CA8: variants seen among roughly 807,000 people sequenced by gnomAD.
CA8 encodes carbonic anhydrase-related protein.
In CA8, 22 loss-of-function variants were observed where a neutral mutation model predicts 41.4. The observed-to-expected ratio is 0.53, with a 90% CI of 0.38 to 0.76. The LOEUF (loss-of-function observed/expected upper bound fraction) is 0.76. CA8 is among the 30% of genes least tolerant of loss of function. CA8 has a pLI of 0.00. For missense variants in CA8, 270 were observed against 352.8 expected, an observed-to-expected ratio of 0.77 and a Z score of 1.88; for synonymous variants, 121 against 130.6, an observed-to-expected ratio of 0.93 and a Z score of 0.50.
chr8:60,202,518 A>G (rs1806464030), intron 8 of CA8, among the ~76,000 whole-genome samples: 1 of 152,196 alleles, frequency 6.6e-6, no homozygotes, highest in African/African-American at 2.4e-5. Context: ...GAGGGTTTCC[A>G]TGAAGGGTTT....
At chr8:60,239,475 T>C (rs1445983278) in intron 3 of CA8, among the ~76,000 whole-genome samples, 2 of 152,082 alleles carry the variant, frequency 1.3e-5, no homozygotes, top group Non-Finnish European at 2.9e-5. Flanking sequence ...ATACTAACAC[T>C]AACAACAGCT....
chr8:60,232,920 G>C (rs1031220756), intron 3 of CA8, among the ~76,000 whole-genome samples: 1 of 152,110 alleles, frequency 6.6e-6, no homozygotes, highest in Non-Finnish European at 1.5e-5. Flanking sequence ...AATAAATGCT[G>C]ATGTAAATCT....
At chr8:60,271,689 TG>T (rs1804078906) in intron 2 of CA8, among the ~76,000 whole-genome samples, 1 of 152,218 alleles carries the variant, frequency 6.6e-6, no homozygotes, top group Non-Finnish European at 1.5e-5. Flanking sequence ...TAATGATGGT[TG>T]ATTAAAAATG....
intron 5 of CA8, 103 bp downstream of exon 5, chr8:60,226,770 T>G: frequency 1.4e-6 from 1 of 719,920 alleles, no homozygotes; most frequent in South Asian, 1.5e-5. Flanking sequence ...CAGCAGCTTT[T>G]CTGAGATCTG....
At chr8:60,213,508 T>A (rs929716232) in intron 7 of CA8, among the ~76,000 whole-genome samples, 3 of 152,198 alleles carry the variant, frequency 2.0e-5, no homozygotes, top group African/African-American at 7.2e-5. Flanking sequence ...AGAGAGAAGA[T>A]CCTTGATTTG....
At chr8:60,192,937 GCACA>G (rs377257462) in intron 8 of CA8, among the ~76,000 whole-genome samples, 15,896 of 140,608 alleles carry the variant, frequency 0.11, 971 homozygotes, top group African/African-American at 0.17. Flanking sequence ...TCAACATCAT[GCACA>G]CACACACACA....
chr8:60,191,223 T>C (rs1806119902), intron 8 of CA8, among the ~76,000 whole-genome samples: 1 of 152,028 alleles, frequency 6.6e-6, no homozygotes, highest in African/African-American at 2.4e-5. Flanking sequence ...TGTTTTAAAA[T>C]ATATACACAT....
At chr8:60,270,574 C>T (rs1804037767) in intron 2 of CA8, among the ~76,000 whole-genome samples, 1 of 152,112 alleles carries the variant, frequency 6.6e-6, no homozygotes, top group Non-Finnish European at 1.5e-5. Context: ...CACCACCATG[C>T]CTGGCTAATT....
At chr8:60,270,874 A>G (rs1280268452) in intron 2 of CA8, among the ~76,000 whole-genome samples, 2 of 152,198 alleles carry the variant, frequency 1.3e-5, no homozygotes, top group Non-Finnish European at 2.9e-5. Flanking sequence ...ATATTTTTAA[A>G]CTGTCTTTGG....
At chr8:60,269,160 A>G (rs1803990605) in intron 2 of CA8, among the ~76,000 whole-genome samples, 1 of 152,248 alleles carries the variant, frequency 6.6e-6, no homozygotes, top group Non-Finnish European at 1.5e-5. Flanking sequence ...TTTATGGACT[A>G]AAAATAAATA....
At chr8:60,241,238 G>A (rs1038985288) in intron 3 of CA8, among the ~76,000 whole-genome samples, 1 of 152,190 alleles carries the variant, frequency 6.6e-6, no homozygotes, top group Admixed American at 6.5e-5. Context: ...ATACTGTAAA[G>A]CATGGAATGG....
intron 7 of CA8, among the ~76,000 whole-genome samples, chr8:60,220,996 G>A (rs975636791): frequency 6.6e-6 from 1 of 152,232 alleles, no homozygotes; most frequent in Middle Eastern, 3.4e-3. Context: ...CCTTCACTGC[G>A]AATCAGAAAC....
At chr8:60,215,381 A>G (rs1419654599) in intron 7 of CA8, among the ~76,000 whole-genome samples, 1 of 149,182 alleles carries the variant, frequency 6.7e-6, no homozygotes, top group East Asian at 2.0e-4. Flanking sequence ...ACACACACAC[A>G]CACCGGATCC....
chr8:60,222,786 T>C (rs1350983858), intron 6 of CA8, 25 bp from the exon 7 acceptor site: 3 of 1,412,520 alleles, frequency 2.1e-6, no homozygotes, highest in Non-Finnish European at 2.0e-6. Flanking sequence ...GGACATGTAA[T>C]GGAAAAGGCA....
chr8:60,246,870 A>C (rs1016746960), intron 3 of CA8, among the ~76,000 whole-genome samples: 4 of 147,432 alleles, frequency 2.7e-5, no homozygotes, highest in Non-Finnish European at 5.9e-5. Context: ...GAAAAATAAT[A>C]ACCACTTTTT....
chr8:60,194,753 C>T (rs967123223), intron 8 of CA8, among the ~76,000 whole-genome samples: 1 of 152,166 alleles, frequency 6.6e-6, no homozygotes, highest in Non-Finnish European at 1.5e-5. Context: ...TTGTTCCTCA[C>T]ATCTGCTAAA....
At chr8:60,237,629 G>A (rs1432086327) in intron 3 of CA8, among the ~76,000 whole-genome samples, 1 of 152,200 alleles carries the variant, frequency 6.6e-6, no homozygotes, top group Non-Finnish European at 1.5e-5. Flanking sequence ...TGCACAGCAG[G>A]TGGCTGAGGG....
intron 2 of CA8, among the ~76,000 whole-genome samples, chr8:60,277,929 A>G (rs1585942062): frequency 1.3e-5 from 2 of 152,292 alleles, no homozygotes; most frequent in African/African-American, 4.8e-5. Context: ...GCAGGAAAAA[A>G]GGGTTCTGGA....
At chr8:60,229,909 A>G (rs971133277) in intron 4 of CA8, among the ~76,000 whole-genome samples, 2 of 152,138 alleles carry the variant, frequency 1.3e-5, no homozygotes, top group Non-Finnish European at 1.5e-5. Context: ...ATGGATCAAC[A>G]CGACTTACCA....
Sources: allele counts gnomAD v4.1 joint callset (sites outside exome capture counted in the v4.1 genomes callset), GRCh38; gene constraint gnomAD v4.1.1; transcripts MANE v1.5; gene names NCBI Gene and HGNC (gene_info 2026-07-23, HGNC 2026-07-21).